Variants in AVEN observed in about 807,000 individuals in gnomAD.
AVEN encodes the protein apoptosis and caspase activation inhibitor.
AVEN carries 41 observed loss-of-function variants against 38.1 expected under a neutral mutation model. The ratio of observed to expected loss-of-function variants is 1.08; its 90% confidence interval spans 0.84 to 1.40. The LOEUF (loss-of-function observed/expected upper bound fraction) is 1.40. AVEN is among the 40% of genes most tolerant of loss of function. The probability of loss-of-function intolerance (pLI) is 0.00; values close to 1 mark genes in which losing one functional copy is unlikely to be tolerated. For synonymous variants in AVEN, 206 were observed against 171.8 expected (o/e 1.20, Z -1.56); for missense variants, 605 against 438.8 (o/e 1.38, Z -3.38).
At chr15:34,014,274 G>C (rs987828731) in intron 1 of AVEN, among the ~76,000 whole-genome samples, 1 of 150,664 alleles carries the variant, frequency 6.6e-6, no homozygotes, top group African/African-American at 2.5e-5. Context: ...TGAGGCAGGA[G>C]GATTGCTTGA....
chr15:34,038,751 TC>T, intron 1 of AVEN, 28 bp downstream of exon 1: 1 of 1,153,712 alleles, frequency 8.7e-7, no homozygotes. Flanking sequence ...TTACACGCGG[TC>T]CCAGCCCCAC....
Position 33,913,561 on chromosome 15 carries a change from G to A in AVEN, c.446-37566C>T, listed in dbSNP as rs543170331. Among the ~76,000 whole-genome samples the A allele has an allele frequency of 3.9e-5, 6 of 152,218 alleles. No individual in the cohort carries two copies. In the South Asian group the frequency reaches 8.3e-4, roughly 21 times the overall value. On this transcript the variant is annotated intron_variant, in intron 2 of 5. Transcript: ENST00000306730. ...CCCATGGTGAGGGTGACTAGCATCC[G>A]GGCTGAGTGTAGCAAGTACAGTGAG...
chr15:33,876,038 G>C (rs1206842906), intron 2 of AVEN, 43 bp from the exon 3 acceptor site: 1 of 1,554,960 alleles, frequency 6.4e-7, no homozygotes, highest in South Asian at 1.1e-5. Flanking sequence ...AAAGCCAACG[G>C]AAACTCTCAG....
At chr15:33,958,559 C>G (rs1307699979) in intron 2 of AVEN, among the ~76,000 whole-genome samples, 1 of 151,182 alleles carries the variant, frequency 6.6e-6, no homozygotes, top group Admixed American at 6.6e-5. Context: ...CCACTGCACT[C>G]CAGCCTGGGC....
downstream of AVEN, chr15:33,854,627 G>C: frequency 8.4e-7 from 1 of 1,187,946 alleles, no homozygotes; most frequent in Non-Finnish European, 1.2e-6. Context: ...TCACTTAGCA[G>C]ATCTTGGGCC....
At chr15:34,046,724 C>T (rs1379808299) in intron 5 of AVEN, 2 of 152,242 alleles carry the variant, frequency 1.3e-5, no homozygotes, top group African/African-American at 4.8e-5. Context: ...AATACAGCGC[C>T]TTCAACTGAA....
At chr15:33,968,445 G>A (rs149274745) in intron 2 of AVEN, among the ~76,000 whole-genome samples, 1 of 152,192 alleles carries the variant, frequency 6.6e-6, no homozygotes, top group African/African-American at 2.4e-5. Flanking sequence ...ATGTATGGCA[G>A]CGTCATCCCA....
At chr15:33,924,790 T>C (rs911588550) in intron 2 of AVEN, among the ~76,000 whole-genome samples, 1 of 152,232 alleles carries the variant, frequency 6.6e-6, no homozygotes, top group Non-Finnish European at 1.5e-5. Context: ...TATTTCATTA[T>C]TATCAAGGAC....
intron 5 of AVEN, among the ~76,000 whole-genome samples, chr15:34,044,681 G>A (rs8030094): frequency 0.16 from 24,054 of 152,074 alleles, 2,222 homozygotes; most frequent in Middle Eastern, 0.27. Context: ...GGCAGGAGTC[G>A]ACAGTGTATG....
chr15:33,875,951 C>G lies in AVEN; in HGVS notation c.490G>C (p.Asp164His). 6.2e-7 allele frequency: 1 copy of G among 1,613,840 alleles called. No homozygotes were observed. Among genetic ancestry groups the G allele is most frequent in the Non-Finnish European group, 8.5e-7 (1 of 1,179,988 alleles). The change falls in exon 3 of 6, where the codon GAT becomes CAT. Residue 164 changes from aspartate (D) to histidine (H), a missense_variant. By Grantham distance (81) the Asp-to-His change is moderately conservative. Coordinates refer to ENST00000306730, the MANE Select transcript of AVEN (RefSeq NM_020371.3). ...QFRFAEEKEW[D>H]SEASCPKQNS... ...TGTTTTGGACAAGAAGCTTCACTAT[C>G]CCATTCTTTCTCCTCAGCAAACCGG... is the stretch of plus-strand genomic sequence containing the variant.
chr15:34,073,983 C>CTTTTTTTTTTT (rs1567498505), intron 1 of AVEN, among the ~76,000 whole-genome samples: 1 of 20,816 alleles, frequency 4.8e-5, no homozygotes, highest in African/African-American at 1.2e-4. Flanking sequence ...CTTTTTTCTT[C>CTTTTTTTTTTT]TTCTTCTTTT....
At position 33,879,084 on chromosome 15, in the gene AVEN, T is replaced by C. The variant is rs1374063911; in HGVS notation, c.446-3089A>G. 3.3e-5 allele frequency among the ~76,000 whole-genome samples: 5 copies of C among 152,074 alleles called. No homozygotes were observed. In the East Asian group the frequency reaches 7.7e-4, roughly 24 times the overall value. The stretch of plus-strand genomic sequence containing the variant: ...ATGGGTAAAATATAAATCATGCTGC[T>C]ATAAAGACACATGCACACGTATGTT... On this transcript the variant is annotated intron_variant, in intron 2 of 5. Coordinates refer to ENST00000306730, the MANE Select transcript of AVEN (RefSeq NM_020371.3).
At chr15:34,018,528 T>A (rs1250504444) in intron 1 of AVEN, 2 of 152,628 alleles carry the variant, frequency 1.3e-5, no homozygotes, top group Non-Finnish European at 2.9e-5. Context: ...GGTGGGTTCG[T>A]GGTCTCGCTG....
chr15:33,880,953 G>C (rs1300728093), intron 2 of AVEN, among the ~76,000 whole-genome samples: 2 of 152,086 alleles, frequency 1.3e-5, no homozygotes, highest in African/African-American at 4.8e-5. Flanking sequence ...GAAAATGTTA[G>C]AGAAAAATGA....
At chr15:33,930,016 A>G (rs1008278566) in intron 2 of AVEN, among the ~76,000 whole-genome samples, 7 of 152,238 alleles carry the variant, frequency 4.6e-5, no homozygotes, top group Non-Finnish European at 1.5e-5. Flanking sequence ...AGTGCTACAA[A>G]TCATTCATCC....
chr15:33,873,014 G>C (rs1018193524), intron 3 of AVEN, among the ~76,000 whole-genome samples: 1 of 150,846 alleles, frequency 6.6e-6, no homozygotes, highest in African/African-American at 2.4e-5. Flanking sequence ...GGATTCCCTT[G>C]AGGATTTTGG....
intron 2 of AVEN, among the ~76,000 whole-genome samples, chr15:33,973,450 C>T (rs1225829297): frequency 6.6e-6 from 1 of 152,200 alleles, no homozygotes; most frequent in Non-Finnish European, 1.5e-5. Context: ...CATGCAGTAA[C>T]TTCTGGGTAA....
downstream of AVEN, chr15:33,865,461 G>C: frequency 2.1e-6 from 1 of 473,756 alleles, no homozygotes; most frequent in South Asian, 3.3e-5. Context: ...GAAGAATCAA[G>C]TAATCTCTAG....
chr15:33,969,243 G>A (rs1895522936), intron 2 of AVEN: 1 of 151,876 alleles, frequency 6.6e-6, no homozygotes, highest in African/African-American at 2.4e-5. Context: ...TGAATTTCTT[G>A]CAACCCTTCC....
Sources: allele counts gnomAD v4.1 joint callset (sites outside exome capture counted in the v4.1 genomes callset), GRCh38; gene constraint gnomAD v4.1.1; transcripts MANE v1.5; gene names NCBI Gene and HGNC (gene_info 2026-07-23, HGNC 2026-07-21).